DPP6: variants seen among roughly 807,000 people sequenced by gnomAD.
DPP6 encodes A-type potassium channel modulatory protein DPP6.
A neutral mutation model predicts 122.6 loss-of-function variants in DPP6; 69 were observed. The ratio of observed to expected loss-of-function variants is 0.56; its 90% CI spans 0.46 to 0.69. The LOEUF (loss-of-function observed/expected upper bound fraction) is 0.69. Ranked by LOEUF, DPP6 falls within the 30% of genes least tolerant of loss-of-function variation. The pLI, the probability that DPP6 is intolerant of heterozygous loss-of-function variation, is 0.00. For missense variants in DPP6, 928 were observed against 1,116.9 expected, an observed-to-expected ratio of 0.83 and a Z score of 2.41; for synonymous variants, 418 against 433.1, an observed-to-expected ratio of 0.97 and a Z score of 0.43.
intron 1 of DPP6, among the ~76,000 whole-genome samples, chr7:154,034,470 C>A (rs958960468): frequency 2.0e-5 from 3 of 152,124 alleles, no homozygotes; most frequent in Non-Finnish European, 4.4e-5. Context: ...AGTTCCTGTT[C>A]TAGAGCTGTG....
intron 1 of DPP6, among the ~76,000 whole-genome samples, chr7:154,354,606 G>A (rs1446151151): frequency 6.6e-6 from 1 of 152,092 alleles, no homozygotes; most frequent in African/African-American, 2.4e-5. Context: ...CATCCATTCG[G>A]TTTGGCTTGC....
chr7:154,231,272 G>A (rs143326481), intron 1 of DPP6, among the ~76,000 whole-genome samples: 37 of 152,270 alleles, frequency 2.4e-4, no homozygotes, highest in South Asian at 8.3e-4. Flanking sequence ...TGTTGTCTGT[G>A]CCTTTCCTTG....
Position 154,087,478 on chromosome 7 carries a change from A to G in DPP6, c.243+34415A>G, listed in dbSNP as rs1285030052. Reference sequence around the variant, plus strand: ...GTGAGAGCAAGCGTAGCTGGGAGCAAACATGGAGTGTAAGAGCAGAGGAGA... The same window carrying G: ...GTGAGAGCAAGCGTAGCTGGGAGCAGACATGGAGTGTAAGAGCAGAGGAGA... On this transcript the variant is annotated intron_variant, in intron 1 of 25. Coordinates refer to ENST00000377770, the MANE Select transcript of DPP6 (RefSeq NM_130797.4). 2.6e-5 allele frequency among the ~76,000 whole-genome samples: 4 copies of G among 152,322 alleles called. No individual in the cohort carries two copies. The East Asian group carries it at 5.8e-4, about 22-fold the overall frequency.
Position 153,966,554 on chromosome 7 carries a change from C to CTT in DPP6, c.51+78852_51+78853dup, listed in dbSNP as rs753840054. Among the ~76,000 whole-genome samples the CTT allele has an allele frequency of 1.4e-3, 58 of 41,336 alleles. 2 individuals are homozygous for CTT. The highest frequency in any genetic ancestry group is 1.7e-3 in the Non-Finnish European group (45 of 26,554). 27.1% of individuals were successfully genotyped at this position (41,336 alleles called of 152,430 possible). A position where few individuals can be genotyped will look rare whatever the true frequency, so the allele number is the denominator to read the frequency against. On this transcript the variant is annotated intron_variant, in intron 1 of 25. Coordinates refer to the DPP6 transcript ENST00000404039. ...AATTAAACGGTCTGTCCTGTGTTGG[C>CTT]TTTTTTTTTTTTTTTTTTTTTTTTT...
intron 1 of DPP6, among the ~76,000 whole-genome samples, chr7:154,164,175 A>C (rs1442403831): frequency 1.4e-5 from 2 of 147,970 alleles, no homozygotes; most frequent in Non-Finnish European, 2.9e-5. Context: ...ATGGTCTAAG[A>C]GTCTTCCCTG....
intron 5 of DPP6, among the ~76,000 whole-genome samples, chr7:154,631,162 C>T (rs1472071267): frequency 6.6e-6 from 1 of 152,188 alleles, no homozygotes; most frequent in Non-Finnish European, 1.5e-5. Flanking sequence ...TGATGGGGAC[C>T]TGCCAGACCA....
At chr7:154,218,514 G>T (rs1048825545) in intron 1 of DPP6, among the ~76,000 whole-genome samples, 50 of 152,168 alleles carry the variant, frequency 3.3e-4, no homozygotes, top group African/African-American at 1.2e-3. Flanking sequence ...TCTTTGGGTT[G>T]CAGGAAACCT....
At chr7:154,094,394 G>A (rs530886641) in intron 1 of DPP6, 16 of 152,514 alleles carry the variant, frequency 1.0e-4, no homozygotes, top group African/African-American at 3.9e-4. Flanking sequence ...TGTGTGATTT[G>A]GTGTGGTGTG....
At chr7:154,252,809 A>G (rs1802432783) in intron 1 of DPP6, among the ~76,000 whole-genome samples, 1 of 152,266 alleles carries the variant, frequency 6.6e-6, no homozygotes, top group African/African-American at 2.4e-5. Context: ...AACAGCAACT[A>G]CTGTCAAAAT....
At chr7:154,879,404 C>A (rs1805160959) in intron 20 of DPP6, among the ~76,000 whole-genome samples, 1 of 111,280 alleles carries the variant, frequency 9.0e-6, no homozygotes, top group African/African-American at 4.2e-5. Flanking sequence ...CACGGTGAAA[C>A]CCCGTCTCTA....
rs10236495 is a variant in DPP6, at chr7:154,796,083, A to G, written c.1299+200A>G. The G allele has an allele frequency of 0.4, 298,420 of 750,066 alleles. 61,766 individuals carry two copies. Among genetic ancestry groups the G allele is most frequent in the African/African-American group, 0.56 (31,410 of 56,540 alleles). The allele number at this position is 750,066 out of a possible 1,614,324, so 46.5% of individuals were successfully genotyped here. On this transcript the variant is annotated intron_variant, in intron 12 of 25. Coordinates refer to ENST00000377770, the MANE Select transcript of DPP6 (RefSeq NM_130797.4). Reference sequence around the variant, plus strand: ...TGCCCAGAGAGCTCCAGGAGAATCCAAGTTCCAGGGAGGGTCGTGTGAAAA... The same window carrying G: ...TGCCCAGAGAGCTCCAGGAGAATCCGAGTTCCAGGGAGGGTCGTGTGAAAA...
At chr7:153,762,109 CTG>C in the DPP6 span, among the ~76,000 whole-genome samples, 1 of 152,312 alleles carries the variant, frequency 6.6e-6, no homozygotes, top group Admixed American at 6.5e-5. Flanking sequence ...CACATGATAA[CTG>C]TAATCCTTTG....
Position 154,596,555 on chromosome 7 carries a change from A to G in DPP6, c.627+29639A>G, listed in dbSNP as rs73485704. On this transcript the variant is annotated intron_variant, in intron 5 of 25. Coordinates refer to ENST00000377770, the MANE Select transcript of DPP6 (RefSeq NM_130797.4). The stretch of plus-strand genomic sequence containing the variant: ...CAAGAGAAAGATGGGATTTTGTGGC[A>G]GAAACTTCCAAAAAAAAAAGTTGAC... 3.8e-3 allele frequency among the ~76,000 whole-genome samples: 582 copies of G among 152,318 alleles called. 3 individuals carry two copies. The highest frequency in any genetic ancestry group is 0.013 in the African/African-American group (547 of 41,562).
At chr7:154,850,139 C>T (rs1420480295) in intron 16 of DPP6, among the ~76,000 whole-genome samples, 1 of 152,140 alleles carries the variant, frequency 6.6e-6, no homozygotes, top group Non-Finnish European at 1.5e-5. Context: ...GCACCCATCA[C>T]CCAAGCAGTA....
At chr7:154,815,394 C>G (rs1286729875) in intron 16 of DPP6, among the ~76,000 whole-genome samples, 3 of 152,230 alleles carry the variant, frequency 2.0e-5, no homozygotes, top group African/African-American at 7.2e-5. Context: ...CATCTAAATT[C>G]AACCGCCAGA....
intron 3 of DPP6, among the ~76,000 whole-genome samples, chr7:154,492,618 C>A (rs532049454): frequency 4.6e-5 from 7 of 152,272 alleles, no homozygotes; most frequent in African/African-American, 1.4e-4. Flanking sequence ...TATTCACAAC[C>A]ATTCCTGCTG....
At chr7:154,850,845 G>A (rs1054525378) in intron 16 of DPP6, among the ~76,000 whole-genome samples, 15 of 151,698 alleles carry the variant, frequency 9.9e-5, no homozygotes, top group African/African-American at 3.6e-4. Context: ...TTCTTAGTCT[G>A]GCTAAATTTT....
In DPP6 at chr7:154,795,892, T is replaced by A. The variant is rs771055208; in HGVS notation, c.1299+9T>A. 6.2e-7 allele frequency: 1 copy of A among 1,609,198 alleles called. No homozygotes were observed. Among genetic ancestry groups the A allele is most frequent in the Non-Finnish European group, 8.5e-7 (1 of 1,177,996 alleles). On this transcript the variant is annotated intron_variant, in intron 12 of 25. Transcript: ENST00000377770. The stretch of plus-strand genomic sequence containing the variant: ...CCTGGCTCCACAGACAGGTAACTAC[T>A]GCATGTCCGGGTCCCCACTGTCACC...
At chr7:154,816,193 C>A (rs919286276) in intron 16 of DPP6, among the ~76,000 whole-genome samples, 1 of 152,124 alleles carries the variant, frequency 6.6e-6, no homozygotes, top group East Asian at 1.9e-4. Context: ...GGCAGTCCCC[C>A]CTTATCCACA....
Sources: allele counts gnomAD v4.1 joint callset (sites outside exome capture counted in the v4.1 genomes callset), GRCh38; gene constraint gnomAD v4.1.1; transcripts MANE v1.5; gene names NCBI Gene and HGNC (gene_info 2026-07-23, HGNC 2026-07-21).